Variants in PCDHA12 observed in about 807,000 individuals in gnomAD.
The protein encoded by PCDHA12 is protocadherin alpha-12.
Under a neutral mutation model 60.0 loss-of-function variants are expected in PCDHA12, and 44 were observed. That is an observed-to-expected ratio of 0.73 (90% CI 0.58 to 0.94). The LOEUF (loss-of-function observed/expected upper bound fraction) is 0.94, where lower values mean the gene tolerates loss of function less well. Ranked by LOEUF, PCDHA12 falls within the 40% of genes least tolerant of loss-of-function variation. The pLI, the probability that PCDHA12 is intolerant of heterozygous loss-of-function variation, is 0.00. For missense variants in PCDHA12, 1,276 were observed against 1,239.7 expected (o/e 1.03, Z -0.44); for synonymous variants, 569 against 553.0 (o/e 1.03, Z -0.40).
intron 1 of PCDHA12, among the ~76,000 whole-genome samples, chr5:140,910,796 C>T (rs2075173732): frequency 6.6e-6 from 1 of 152,112 alleles, no homozygotes; most frequent in South Asian, 2.1e-4. Flanking sequence ...ATGCAGAATC[C>T]CTGCTTAGTG....
intron 1 of PCDHA12, among the ~76,000 whole-genome samples, chr5:140,881,806 C>G (rs545752672): frequency 1.3e-5 from 2 of 152,238 alleles, no homozygotes; most frequent in African/African-American, 4.8e-5. Context: ...AAACGAGTGT[C>G]GAATATTCTT....
chr5:140,898,733 A>C (rs1401773719), intron 1 of PCDHA12, among the ~76,000 whole-genome samples: 1 of 152,154 alleles, frequency 6.6e-6, no homozygotes, highest in Non-Finnish European at 1.5e-5. Flanking sequence ...GAAGAAAGTC[A>C]TTGGTAGCTT....
In PCDHA12 at chr5:140,876,082, C is replaced by A; in HGVS notation, c.610C>A (p.Gln204Lys). 1 of 1,613,932 alleles carries A rather than the reference C, an allele frequency of 6.2e-7. No individual in the cohort carries two copies. The highest frequency in any genetic ancestry group is 8.5e-7 in the Non-Finnish European group (1 of 1,179,894). Residue 204 changes from glutamine to lysine, a missense_variant, in exon 1 of 4, where the codon CAA becomes AAA. Physicochemically the swap from Gln to Lys is moderately conservative, Grantham distance 53 (BLOSUM62 1). Coordinates refer to ENST00000398631, the MANE Select transcript of PCDHA12 (RefSeq NM_018903.4). Reference protein sequence around the residue: ...LVLRKLLDREQTPKLNLLLMV... With the variant: ...LVLRKLLDREKTPKLNLLLMV... ...TCTTCGGAAGTTATTGGACAGAGAG[C>A]AAACGCCAAAACTCAATTTATTGCT... is the stretch of plus-strand genomic sequence containing the variant.
chr5:140,883,355 A>T (rs763058953), intron 1 of PCDHA12: 2 of 1,614,076 alleles, frequency 1.2e-6, no homozygotes, highest in Admixed American at 3.3e-5. Context: ...CAGAGAAGAC[A>T]CTCAGCCTAG....
chr5:140,962,516 A>C (rs1554226093), intron 1 of PCDHA12, among the ~76,000 whole-genome samples: 1 of 152,208 alleles, frequency 6.6e-6, no homozygotes, highest in Non-Finnish European at 1.5e-5. Flanking sequence ...ACTATCAATA[A>C]TATATTAGTT....
At chr5:140,927,639 G>T in intron 1 of PCDHA12, 11 of 1,614,194 alleles carry the variant, frequency 6.8e-6, no homozygotes, top group Non-Finnish European at 9.3e-6. Flanking sequence ...CACCCAATGG[G>T]ACTGTGTTAT....
chr5:140,916,406 G>A (rs988786781), intron 1 of PCDHA12, among the ~76,000 whole-genome samples: 1 of 152,186 alleles, frequency 6.6e-6, no homozygotes, highest in Admixed American at 6.5e-5. Flanking sequence ...GATCACACCT[G>A]AAGTCAGCAC....
chr5:140,884,840 A>G (rs2060380495), intron 1 of PCDHA12: 7 of 888,512 alleles, frequency 7.9e-6, no homozygotes, highest in Non-Finnish European at 1.1e-5. Flanking sequence ...TATCCTTCAG[A>G]GTGAAATCTT....
chr5:141,001,492 T>A (rs1190860523), intron 3 of PCDHA12, among the ~76,000 whole-genome samples: 1 of 152,236 alleles, frequency 6.6e-6, no homozygotes, highest in African/African-American at 2.4e-5. Context: ...CTGGAAATGC[T>A]AGCCCAGGTG....
rs1587841717 is a variant in PCDHA12, at chr5:140,999,568, GA to G, written c.2516-10058del. On this transcript the variant is annotated intron_variant, in intron 3 of 3. Transcript: ENST00000398631. ...ATGAAGAGGGGGTATTTTGAGAAGA[GA>G]CTATAAAGGGAAATTGCCTTCCCTA... Among the ~76,000 whole-genome samples the G allele has an allele frequency of 2.0e-5, 3 of 152,084 alleles. No homozygotes were observed. In the South Asian group the frequency reaches 6.2e-4, roughly 32 times the overall value.
intron 1 of PCDHA12, among the ~76,000 whole-genome samples, chr5:140,886,624 G>A (rs1204732273): frequency 6.6e-6 from 1 of 151,636 alleles, no homozygotes; most frequent in African/African-American, 2.4e-5. Context: ...TCAGGAGTCC[G>A]AGACCAGCCT....
chr5:140,974,636 C>T (rs1208653634), intron 1 of PCDHA12, among the ~76,000 whole-genome samples: 2 of 152,054 alleles, frequency 1.3e-5, no homozygotes, highest in African/African-American at 4.8e-5. Flanking sequence ...CTCAACCTCC[C>T]GAGTAGCTGA....
intron 1 of PCDHA12, chr5:140,927,490 C>G: frequency 1.2e-6 from 2 of 1,614,132 alleles, no homozygotes; most frequent in Non-Finnish European, 8.5e-7. Flanking sequence ...CGCCACCCAC[C>G]TGCTGGTGCT....
intron 3 of PCDHA12, among the ~76,000 whole-genome samples, chr5:141,005,795 C>G (rs2098239997): frequency 8.0e-6 from 1 of 124,778 alleles, no homozygotes; most frequent in Admixed American, 8.1e-5. Context: ...GAGGCAAAAA[C>G]AACTCCAAGG....
rs1308888029 is a variant in PCDHA12 at position 141,011,344 on chromosome 5, A to G, written c.*1407A>G. Reference sequence around the variant, plus strand: ...ACACCTATGATGTTACCTGAAATCAATCTCCCATATGTATGCTGTATGCTA... The same window carrying G: ...ACACCTATGATGTTACCTGAAATCAGTCTCCCATATGTATGCTGTATGCTA... On this transcript the variant is annotated 3_prime_UTR_variant, in exon 4 of 4. Coordinates refer to ENST00000398631, the MANE Select transcript of PCDHA12 (RefSeq NM_018903.4). 3 of 153,730 alleles carry G rather than the reference A, an allele frequency of 2.0e-5. No homozygotes were observed. The highest frequency in any genetic ancestry group is 2.9e-5 in the Non-Finnish European group (2 of 68,040). The allele number at this position is 153,730 out of a possible 1,614,324, so 9.5% of individuals were successfully genotyped here.
At chr5:140,895,851 C>T (rs2065201261) in intron 1 of PCDHA12, among the ~76,000 whole-genome samples, 1 of 152,078 alleles carries the variant, frequency 6.6e-6, no homozygotes, top group Admixed American at 6.6e-5. Flanking sequence ...CACTCTTGTA[C>T]CCCAGGCTGG....
chr5:141,000,782 C>T (rs149032263), intron 3 of PCDHA12, among the ~76,000 whole-genome samples: 174 of 152,002 alleles, frequency 1.1e-3, no homozygotes, highest in African/African-American at 3.9e-3. Flanking sequence ...TGGCGCACAC[C>T]TGTATTCCTA....
chr5:140,958,775 A>C (rs1179723793), intron 1 of PCDHA12, among the ~76,000 whole-genome samples: 1 of 152,170 alleles, frequency 6.6e-6, no homozygotes, highest in African/African-American at 2.4e-5. Flanking sequence ...GTTTGAAATC[A>C]ACTTTCTATT....
chr5:140,944,929 C>T (rs1387660974), intron 1 of PCDHA12, among the ~76,000 whole-genome samples: 1 of 152,052 alleles, frequency 6.6e-6, no homozygotes, highest in Non-Finnish European at 1.5e-5. Flanking sequence ...TGGTTTATGC[C>T]TTCTTTAGAT....
Sources: gnomAD v4.1 joint callset for allele counts (sites outside exome capture counted in the v4.1 genomes callset) on GRCh38, gnomAD v4.1.1 for gene constraint, MANE v1.5 for transcripts, NCBI Gene and HGNC (gene_info 2026-07-23, HGNC 2026-07-21) for gene names.